The following PTPRS variants were observed in gnomAD, a reference collection of about 807,000 sequenced individuals.
The protein encoded by PTPRS is protein tyrosine phosphatase receptor type S.
PTPRS carries 63 observed loss-of-function variants against 215.3 expected under a neutral mutation model. The observed-to-expected ratio is 0.29, with a 90% CI of 0.24 to 0.36. PTPRS has a LOEUF of 0.36. Ranked by LOEUF, PTPRS falls within the 10% of genes least tolerant of loss-of-function variation. The probability of loss-of-function intolerance (pLI) is 1.00; values close to 1 mark genes in which losing one functional copy is unlikely to be tolerated. For synonymous variants in PTPRS, 1,404 were observed against 1,191.4 expected, an observed-to-expected ratio of 1.18 and a Z score of -3.68; for missense variants, 2,258 against 2,825.8, an observed-to-expected ratio of 0.80 and a Z score of 4.56.
intron 1 of PTPRS, among the ~76,000 whole-genome samples, chr19:5,327,767 A>G (rs985590758): frequency 6.6e-6 from 1 of 151,256 alleles, no homozygotes; most frequent in African/African-American, 2.4e-5. Flanking sequence ...CACCCGGCTA[A>G]TTTTTTTACT....
chr19:5,217,042 C>A (rs2041540671), intron 25 of PTPRS, among the ~76,000 whole-genome samples: 1 of 152,316 alleles, frequency 6.6e-6, no homozygotes, highest in Non-Finnish European at 1.5e-5. Flanking sequence ...ATCCCCTCCC[C>A]CAGACCAGCC....
chr19:5,225,861 G>A lies in PTPRS; in HGVS notation c.2377-17C>T, dbSNP rs1481955336. 1.2e-6 allele frequency: 2 copies of A among 1,604,742 alleles called. No homozygotes were observed. ...GACCATCTCCTGCAGGCACGGCTGG[G>A]GGTCAGCACGACGGCTGGGGCTGGG... is the stretch of plus-strand genomic sequence containing the variant. On this transcript the variant is annotated splice_polypyrimidine_tract_variant and intron_variant, in intron 16 of 37. Coordinates refer to ENST00000262963, the MANE Select transcript of PTPRS (RefSeq NM_002850.4).
intron 1 of PTPRS, among the ~76,000 whole-genome samples, chr19:5,314,150 G>A (rs960546932): frequency 1.3e-5 from 2 of 151,880 alleles, no homozygotes; most frequent in East Asian, 1.9e-4. Flanking sequence ...TCAATCAATC[G>A]AGACCACAGC....
chr19:5,269,569 G>A (rs2046728435), intron 4 of PTPRS, among the ~76,000 whole-genome samples: 1 of 152,058 alleles, frequency 6.6e-6, no homozygotes, highest in Non-Finnish European at 1.5e-5. Context: ...CCGGGCCCCA[G>A]CAGGAAGAAT....
intron 35 of PTPRS, among the ~76,000 whole-genome samples, chr19:5,209,253 G>C (rs1289414192): frequency 6.6e-6 from 1 of 152,006 alleles, no homozygotes; most frequent in Non-Finnish European, 1.5e-5. Flanking sequence ...ACCACCCAGT[G>C]GTGCCATCCA....
At chr19:5,261,900 C>T (rs2046022942) in intron 6 of PTPRS, among the ~76,000 whole-genome samples, 1 of 152,228 alleles carries the variant, frequency 6.6e-6, no homozygotes, top group Admixed American at 6.5e-5. Context: ...CCCTGGAGAA[C>T]TGGAATCCGA....
chr19:5,319,862 A>G (rs1247666864), intron 1 of PTPRS, among the ~76,000 whole-genome samples: 1 of 152,004 alleles, frequency 6.6e-6, no homozygotes, highest in Non-Finnish European at 1.5e-5. Flanking sequence ...ATTAAAAATG[A>G]CAACCCTCAT....
At chr19:5,240,016 A>G (rs1260396103) in intron 12 of PTPRS, among the ~76,000 whole-genome samples, 183 bp downstream of exon 12, 1 of 152,158 alleles carries the variant, frequency 6.6e-6, no homozygotes, top group African/African-American at 2.4e-5. Flanking sequence ...GAGATGAGAC[A>G]GAGGAGAAAA....
intron 1 of PTPRS, among the ~76,000 whole-genome samples, chr19:5,333,211 C>G (rs1331616567): frequency 1.3e-5 from 2 of 151,110 alleles, no homozygotes; most frequent in Admixed American, 1.3e-4. Context: ...TGGCTCACAC[C>G]TGGAATCCCA....
intron 4 of PTPRS, 37 bp from the exon 5 acceptor site, chr19:5,265,233 T>G (rs372194379): frequency 6.3e-7 from 1 of 1,583,912 alleles, no homozygotes; most frequent in African/African-American, 1.3e-5. Flanking sequence ...GGCATGGTTC[T>G]GAGCACTGCA....
At chr19:5,319,433 T>TTAA (rs559619292) in intron 1 of PTPRS, among the ~76,000 whole-genome samples, 1 of 145,676 alleles carries the variant, frequency 6.9e-6, no homozygotes, top group Non-Finnish European at 1.5e-5. Flanking sequence ...TTTTTTTTTT[T>TTAA]AAAAAGCTAT....
At chr19:5,315,539 A>T (rs1416681275) in intron 1 of PTPRS, among the ~76,000 whole-genome samples, 2 of 150,682 alleles carry the variant, frequency 1.3e-5, no homozygotes, top group African/African-American at 4.9e-5. Context: ...AATTTTTAAA[A>T]TTTTTTTCAG....
intron 7 of PTPRS, among the ~76,000 whole-genome samples, chr19:5,258,592 T>A (rs1488654561): frequency 6.6e-6 from 1 of 152,226 alleles, no homozygotes; most frequent in Non-Finnish European, 1.5e-5. Context: ...TTGCTTTGTT[T>A]CATTAGGTGC....
At chr19:5,277,527 G>T (rs1400203872) in intron 2 of PTPRS, among the ~76,000 whole-genome samples, 1 of 151,722 alleles carries the variant, frequency 6.6e-6, no homozygotes, top group Non-Finnish European at 1.5e-5. Flanking sequence ...GAGGTGGCAG[G>T]CACCTGTAGT....
At chr19:5,309,156 G>A (rs1468236992) in intron 1 of PTPRS, among the ~76,000 whole-genome samples, 1 of 151,838 alleles carries the variant, frequency 6.6e-6, no homozygotes, top group Admixed American at 6.6e-5. Flanking sequence ...AAGGGAGGAA[G>A]GGGGGGTTGG....
chr19:5,220,570 T>C (rs752364402), intron 20 of PTPRS, among the ~76,000 whole-genome samples: 7 of 152,216 alleles, frequency 4.6e-5, no homozygotes, highest in Non-Finnish European at 8.8e-5. Context: ...GCTTACTTCA[T>C]GTAATGCTCA....
At position 5,302,641 on chromosome 19, in the gene PTPRS, C is replaced by T. The variant is rs1433736826; in HGVS notation, c.-94-16407G>A. The stretch of plus-strand genomic sequence containing the variant: ...ACCCTGAATCTCCCTGGGCTTTCTT[C>T]CCTGACGTGTTAGGAGCTGAAAGGG... On this transcript the variant is annotated intron_variant, in intron 1 of 37. Transcript: ENST00000262963. Among the ~76,000 whole-genome samples, 3 of 152,282 alleles carry T rather than the reference C, an allele frequency of 2.0e-5. No homozygotes were observed. The South Asian group carries it at 6.2e-4, about 32-fold the overall frequency.
Position 5,206,586 on chromosome 19 carries a change from G to T in PTPRS, c.*188C>A, listed in dbSNP as rs768076633. ...GGCGGCGGCCGGTGCCAGGGAGGTCGCTGGGGCGGCCGGGGCCGGTGGGGG... is the reference window on the plus strand; with the variant it reads ...GGCGGCGGCCGGTGCCAGGGAGGTCTCTGGGGCGGCCGGGGCCGGTGGGGG... On this transcript the variant is annotated 3_prime_UTR_variant, in exon 38 of 38. Coordinates refer to ENST00000262963, the MANE Select transcript of PTPRS (RefSeq NM_002850.4). The T allele has an allele frequency of 7.4e-6, 4 of 540,930 alleles. No homozygotes were observed. The highest frequency in any genetic ancestry group is 5.9e-5 in the African/African-American group (3 of 51,148). 33.5% of individuals were successfully genotyped at this position (540,930 alleles called of 1,614,324 possible).
In PTPRS at chr19:5,265,123, T is replaced by C. The variant is rs747551371; in HGVS notation, c.453A>G (p.Thr151=). 1.9e-6 allele frequency: 3 copies of C among 1,614,188 alleles called. No homozygotes were observed. The highest frequency in any genetic ancestry group is 3.3e-5 in the Admixed American group (2 of 60,012). Residue 151 remains threonine (T), a synonymous_variant, in exon 5 of 38, where the codon ACA becomes ACG. Transcript: ENST00000262963. The part of the protein sequence containing the change: ...PQLKVVERTR[T]ATMLCAASGN... ...CGCTGGCTGCACAGAGCATGGTGGC[T>C]GTCCGTGTCCGCTCCACCACCTTCA...
Sources: allele counts gnomAD v4.1 joint callset (sites outside exome capture counted in the v4.1 genomes callset), GRCh38; gene constraint gnomAD v4.1.1; transcripts MANE v1.5; gene names NCBI Gene and HGNC (gene_info 2026-07-23, HGNC 2026-07-21).